Variants in NIFK observed in about 807,000 individuals in gnomAD.
NIFK encodes the protein nucleolar protein interacting with the FHA domain of MKI67, also known as MKI67 FHA domain-interacting nucleolar phosphoprotein.
Under a neutral mutation model 31.7 loss-of-function variants are expected in NIFK, and 16 were observed. That is an observed-to-expected ratio of 0.50 (90% CI 0.34 to 0.77). NIFK has a LOEUF of 0.77. NIFK is among the 30% of genes least tolerant of loss of function. The pLI is 0.01. For synonymous variants in NIFK, 126 were observed against 123.0 expected, an observed-to-expected ratio of 1.02 and a Z score of -0.16; for missense variants, 341 against 350.4, an observed-to-expected ratio of 0.97 and a Z score of 0.21.
chr2:121,729,268 T>C (rs2074518837), intron 4 of NIFK, among the ~76,000 whole-genome samples: 1 of 149,526 alleles, frequency 6.7e-6, no homozygotes, highest in African/African-American at 2.5e-5. Context: ...TCGTGGGGGC[T>C]GAGGCAGGAG....
rs987185534 is a variant in NIFK, at chr2:121,735,686, T to A, written c.170A>T (p.Asp57Val). ...GAAATATGAAAAGATCTGGGTTTCG[T>A]CAAGTAGGTTAGGTAGGTGGCGCAC... The part of the protein sequence containing the change: ...VYVRHLPNLL[D>V]ETQIFSYFSQ... Residue 57 changes from aspartate (D) to valine (V), a missense_variant, in exon 2 of 7, where the codon GAC becomes GTC. By Grantham distance (152) the Asp-to-Val change is radical. Coordinates refer to ENST00000285814, the MANE Select transcript of NIFK (RefSeq NM_032390.5). 5 of 1,613,118 alleles carry A rather than the reference T, an allele frequency of 3.1e-6. No homozygotes were observed. The highest frequency in any genetic ancestry group is 4.2e-6 in the Non-Finnish European group (5 of 1,179,950).
At chr2:121,733,440 G>A (rs570951268) in intron 2 of NIFK, among the ~76,000 whole-genome samples, 15 of 151,924 alleles carry the variant, frequency 9.9e-5, no homozygotes, top group African/African-American at 2.7e-4. Flanking sequence ...ACTTGAATCC[G>A]AGAGGCTGAG....
At chr2:121,732,252 G>GA in intron 2 of NIFK, 48 bp from the exon 3 acceptor site, 1 of 1,097,642 alleles carries the variant, frequency 9.1e-7, no homozygotes, top group Non-Finnish European at 1.4e-6. Context: ...AAATTTGAAT[G>GA]CGTCATCAAA....
At chr2:121,731,208 C>T (rs1468973270) in intron 3 of NIFK, 104 bp from the exon 4 acceptor site, 2 of 644,292 alleles carry the variant, frequency 3.1e-6, no homozygotes, top group Non-Finnish European at 5.4e-6. Context: ...GGTACAGTGG[C>T]TCACACCTGT....
At chr2:121,730,750 CAGG>C (rs767747738) in intron 4 of NIFK, 140 bp downstream of exon 4, 1 of 641,710 alleles carries the variant, frequency 1.6e-6, no homozygotes, top group South Asian at 1.9e-5. Flanking sequence ...AGGCTAGAGG[CAGG>C]AGAATTGCTT....
chr2:121,730,791 G>C (rs1359376302), intron 4 of NIFK, 102 bp downstream of exon 4: 1 of 775,734 alleles, frequency 1.3e-6, no homozygotes, highest in Non-Finnish European at 2.2e-6. Context: ...GTTGCAGTGA[G>C]TCAAGATTGT....
At chr2:121,734,024 A>G in intron 2 of NIFK, among the ~76,000 whole-genome samples, 1 of 152,198 alleles carries the variant, frequency 6.6e-6, no homozygotes, top group African/African-American at 2.4e-5. Context: ...TGGCTCGCTC[A>G]TGCTTGTAAT....
At chr2:121,728,406 T>C (rs2106441286) in intron 5 of NIFK, 50 bp from the exon 6 acceptor site, 2 of 1,459,452 alleles carry the variant, frequency 1.4e-6, no homozygotes, top group Non-Finnish European at 1.9e-6. Context: ...TCAGCTACAG[T>C]AGTCTTGAAT....
chr2:121,734,481 CTT>C (rs1355192023), intron 2 of NIFK, among the ~76,000 whole-genome samples: 2 of 151,766 alleles, frequency 1.3e-5, no homozygotes, highest in Non-Finnish European at 2.9e-5. Flanking sequence ...ATAGTAAAAA[CTT>C]ATATATAGCA....
Position 121,732,160 on chromosome 2 carries a change from C to T in NIFK, c.288G>A (p.Glu96=), listed in dbSNP as rs141003748. The T allele has an allele frequency of 1.2e-6, 2 of 1,613,690 alleles. No individual in the cohort carries two copies. Among genetic ancestry groups the T allele is most frequent in the Non-Finnish European group, 1.7e-6 (2 of 1,179,598 alleles). The part of the protein sequence containing the change: ...KGYAFVEFES[E]DVAKIVAETM... ...TTTCAGCAACTATTTTGGCAACATC[C>T]TCAGACTCAAACTCCACAAATGCAT... The change falls in exon 3 of 7, where the codon GAG becomes GAA. Residue 96 remains glutamate, a synonymous_variant. Transcript: ENST00000285814.
At chr2:121,734,650 A>G (rs2074566804) in intron 2 of NIFK, among the ~76,000 whole-genome samples, 1 of 152,082 alleles carries the variant, frequency 6.6e-6, no homozygotes, top group African/African-American at 2.4e-5. Flanking sequence ...AAAATTAGCC[A>G]GGCATGGTGG....
In NIFK at chr2:121,730,907, C is replaced by T. The variant is rs1207110611; in HGVS notation, c.550G>A (p.Asp184Asn). 5 of 1,606,222 alleles carry T rather than the reference C, an allele frequency of 3.1e-6. No homozygotes were observed. Among genetic ancestry groups the T allele is most frequent in the South Asian group, 1.1e-5 (1 of 90,880 alleles). ...CGAATATTTACCAAAGAAGGAAAATCATAGTCAATTCCTTTTTTAGCTAAT... is the reference window on the plus strand; with the variant it reads ...CGAATATTTACCAAAGAAGGAAAATTATAGTCAATTCCTTTTTTAGCTAAT... ...KKLAKKGIDYDFPSLILQKTE... is the reference protein window; with the variant it reads ...KKLAKKGIDYNFPSLILQKTE... Residue 184 changes from aspartate (D) to asparagine (N), a missense_variant, in exon 4 of 7, where the codon GAT (aspartate) becomes AAT (asparagine). By Grantham distance (23) the Asp-to-Asn change is conservative. Transcript: ENST00000285814.
chr2:121,729,367 CAAAAA>C (rs966976474), intron 4 of NIFK, among the ~76,000 whole-genome samples: 2 of 62,144 alleles, frequency 3.2e-5, no homozygotes, highest in African/African-American at 4.9e-5. Flanking sequence ...GACTCCATCT[CAAAAA>C]AAAAAAAAAA....
At chr2:121,732,256 C>T in intron 2 of NIFK, 52 bp from the exon 3 acceptor site, 1 of 1,013,788 alleles carries the variant, frequency 9.9e-7, no homozygotes. Flanking sequence ...TTGAATGCGT[C>T]ATCAAATTCC....
intron 1 of NIFK, among the ~76,000 whole-genome samples, chr2:121,736,177 C>T (rs1207756115): frequency 6.6e-6 from 1 of 152,228 alleles, no homozygotes; most frequent in Non-Finnish European, 1.5e-5. Context: ...TCATCATAGC[C>T]TTACCTCTGT....
chr2:121,733,240 C>T (rs1162049967), intron 2 of NIFK, among the ~76,000 whole-genome samples: 2 of 151,944 alleles, frequency 1.3e-5, no homozygotes, highest in East Asian at 3.9e-4. Flanking sequence ...TTAGGCCGGG[C>T]ACAGTGGCTC....
chr2:121,728,150 G>T, intron 6 of NIFK, 138 bp downstream of exon 6: 1 of 715,506 alleles, frequency 1.4e-6, no homozygotes, highest in Non-Finnish European at 2.3e-6. Flanking sequence ...GCAGAAAATT[G>T]CTAAATCAAC....
intron 2 of NIFK, among the ~76,000 whole-genome samples, chr2:121,734,745 G>A (rs1219561599): frequency 6.6e-6 from 1 of 152,186 alleles, no homozygotes; most frequent in Non-Finnish European, 1.5e-5. Context: ...AGTGAGCTGA[G>A]ATTGTACCAC....
chr2:121,735,535 G>C, intron 2 of NIFK, 78 bp downstream of exon 2: 1 of 1,413,398 alleles, frequency 7.1e-7, no homozygotes, highest in Non-Finnish European at 1.0e-6. Flanking sequence ...AATAATGTAT[G>C]CGTGAACGTG....
Sources: gnomAD v4.1 joint callset for allele counts (sites outside exome capture counted in the v4.1 genomes callset) on GRCh38, gnomAD v4.1.1 for gene constraint, MANE v1.5 for transcripts, NCBI Gene and HGNC (gene_info 2026-07-23, HGNC 2026-07-21) for gene names.